DNAH1: variants seen among roughly 807,000 people sequenced by gnomAD.
DNAH1 encodes axonemal beta dynein heavy chain 1.
DNAH1 carries 327 observed loss-of-function variants against 484.3 expected under a neutral mutation model. That is an observed-to-expected ratio of 0.68 (90% confidence interval 0.62 to 0.74). The LOEUF (loss-of-function observed/expected upper bound fraction) is 0.74, where lower values mean the gene tolerates loss of function less well. Among genes scored for constraint, DNAH1 ranks in the 30% least tolerant of loss-of-function variants. The pLI, the probability that DNAH1 is intolerant of heterozygous loss-of-function variation, is 0.00. For synonymous variants in DNAH1, 2,192 were observed against 2,191.9 expected (o/e 1.00, Z 0.00); for missense variants, 5,052 against 5,546.8 (o/e 0.91, Z 2.83).
Position 52,392,618 on chromosome 3 carries a change from G to T in DNAH1, c.10207G>T (p.Gly3403Cys). 1 of 1,613,528 alleles carries T rather than the reference G, an allele frequency of 6.2e-7. No individual in the cohort carries two copies. Among genetic ancestry groups the T allele is most frequent in the South Asian group, 1.1e-5 (1 of 91,002 alleles). The change falls in exon 64 of 78, where the codon GGC becomes TGC. Residue 3403 changes from glycine to cysteine, a missense_variant. Coordinates refer to ENST00000420323, the MANE Select transcript of DNAH1 (RefSeq NM_015512.5). ...QILYRLSSSE[G>C]NPVDDMELIK... ...CCTGTACCGGCTCAGCTCCTCCGAG[G>T]GCAACCCTGTAGATGACATGGAACT...
chr3:52,348,013 GC>G, intron 12 of DNAH1, 39 bp downstream of exon 12: 1 of 1,568,886 alleles, frequency 6.4e-7, no homozygotes, highest in Admixed American at 1.8e-5. Flanking sequence ...GGCACCTGCT[GC>G]CCTGGCTGCT....
rs762880925 is a variant in DNAH1 at position 52,394,503 on chromosome 3, G to T, written c.10665G>T (p.Ser3555=). 32 of 1,613,896 alleles carry T rather than the reference G, an allele frequency of 2.0e-5. No individual in the cohort carries two copies. The highest frequency in any genetic ancestry group is 1.3e-4 in the East Asian group (6 of 44,898). The change falls in exon 67 of 78, where the codon TCG becomes TCT. Residue 3555 remains serine (S), a synonymous_variant. Coordinates refer to ENST00000420323, the MANE Select transcript of DNAH1 (RefSeq NM_015512.5). The stretch of plus-strand genomic sequence containing the variant: ...ACCTCCTGTCTGGGGGCTCCATCTC[G>T]ATCATGACTGAGAATCCGGCACCGG... ...WRYLLSGGSI[S]IMTENPAPDW...
intron 8 of DNAH1, among the ~76,000 whole-genome samples, chr3:52,337,745 G>A (rs549420212): frequency 6.6e-6 from 1 of 152,262 alleles, no homozygotes; most frequent in Non-Finnish European, 1.5e-5. Flanking sequence ...ATTATCCCCT[G>A]CTTTCCTACT....
chr3:52,330,322 A>G (rs879621233), intron 6 of DNAH1, among the ~76,000 whole-genome samples: 1 of 152,152 alleles, frequency 6.6e-6, no homozygotes. Flanking sequence ...CCAGGAGCTG[A>G]TGCATAAGTA....
intron 66 of DNAH1, among the ~76,000 whole-genome samples, chr3:52,394,010 T>C: frequency 6.6e-6 from 1 of 152,236 alleles, no homozygotes; most frequent in Admixed American, 6.5e-5. Flanking sequence ...GAGCCTTGAG[T>C]GTGCTGGTGA....
chr3:52,344,731 C>T, intron 9 of DNAH1, 84 bp downstream of exon 9: 2 of 1,452,816 alleles, frequency 1.4e-6, no homozygotes, highest in Non-Finnish European at 1.8e-6. Context: ...GGATTGTCTG[C>T]CCTGCCATTG....
In DNAH1 at chr3:52,366,817, T is replaced by C. The variant is rs781707431; in HGVS notation, c.5695T>C (p.Tyr1899His). 1.2e-6 allele frequency: 2 copies of C among 1,613,970 alleles called. No homozygotes were observed. Among genetic ancestry groups the C allele is most frequent in the South Asian group, 2.2e-5 (2 of 91,086 alleles). The change falls in exon 36 of 78, where the codon TAC becomes CAC. Residue 1899 changes from tyrosine (Y) to histidine (H), a missense_variant. Transcript: ENST00000420323. ...SGGMYEAVNY[Y>H]VLNPKSITMG... ...TGGCATGTACGAGGCTGTCAACTAC[T>C]ACGTGCTCAACCCCAAGTCCATCAC...
rs761685626 is a variant in DNAH1, at chr3:52,398,024, C to T, written c.11959-8C>T. 19 of 1,612,236 alleles carry T rather than the reference C, an allele frequency of 1.2e-5. No individual in the cohort carries two copies. Among genetic ancestry groups the T allele is most frequent in the Non-Finnish European group, 1.5e-5 (18 of 1,179,042 alleles). ...CCTTGACCCCACAGTATTCCTTTGC[C>T]CCTGCAGATAGTGGAGGACGTCACC... On this transcript the variant is annotated splice_polypyrimidine_tract_variant and splice_region_variant and intron_variant, in intron 74 of 77. Transcript: ENST00000420323.
chr3:52,398,858 G>C lies in DNAH1; in HGVS notation c.12098G>C (p.Arg4033Pro), dbSNP rs762927513. The C allele has an allele frequency of 1.9e-6, 3 of 1,542,470 alleles. No homozygotes were observed. The South Asian group carries it at 3.8e-5, about 19-fold the overall frequency. Residue 4033 changes from arginine (R) to proline (P), a missense_variant, in exon 76 of 78, where the codon CGG becomes CCG. Around this residue, in one of 4 missense-constraint regions of DNAH1, gnomAD observed 853 missense variants for 899.0 expected, o/e 0.95. Transcript: ENST00000420323. ...TGCCACTGGCCTCACAGGTACAATC[G>C]GCTGCTGCAGGTGATCACACAGACA... ...VLVQEVIRYN[R>P]LLQVITQTLQ...
chr3:52,384,577 C>A (rs1455669304), intron 52 of DNAH1, among the ~76,000 whole-genome samples: 2 of 152,168 alleles, frequency 1.3e-5, no homozygotes, highest in South Asian at 2.1e-4. Context: ...CTTGAACTAA[C>A]CCCTGGACTT....
rs373410353 is a variant in DNAH1 at position 52,394,647 on chromosome 3, C to A, written c.10809C>A (p.Ser3603Arg). Residue 3603 changes from serine (S) to arginine (R), a missense_variant, in exon 67 of 78, where the codon AGC becomes AGA. By Grantham distance (110) the Ser-to-Arg change is moderately radical (BLOSUM62 -1). Around this residue, in one of 4 missense-constraint regions of DNAH1, gnomAD observed 853 missense variants for 899.0 expected, o/e 0.95. Transcript: ENST00000420323. ...HLSEFRVIFD[S>R]LEPHREPLPG... is the part of the protein sequence containing the mutation. ...CAGAATTCCGGGTCATCTTCGACAG[C>A]CTTGAGCCCCACCGGTTAGCTGGGC... The A allele has an allele frequency of 4.4e-6, 7 of 1,573,742 alleles. No homozygotes were observed. The African/African-American group carries it at 8.1e-5, about 18-fold the overall frequency.
chr3:52,311,941 C>G (rs904805187), upstream of DNAH1, among the ~76,000 whole-genome samples: 1 of 152,226 alleles, frequency 6.6e-6, no homozygotes, highest in Non-Finnish European at 1.5e-5. Flanking sequence ...CTGGGCCTCC[C>G]CCAGTGGCCC....
chr3:52,378,717 C>T lies in DNAH1; in HGVS notation c.7314C>T (p.Phe2438=), dbSNP rs1382981272. The change falls in exon 47 of 78, where the codon TTC becomes TTT. Residue 2438 remains phenylalanine, a synonymous_variant. Transcript: ENST00000420323. ...LPTPAKSHYT[F]NLRDLSKVFQ... is the part of the protein sequence containing the mutation. ...CTCCAGCCAAGTCCCACTACACCTT[C>T]AACCTGAGGGACCTCTCCAAGGTCT... 1 of 1,613,866 alleles carries T rather than the reference C, an allele frequency of 6.2e-7. No homozygotes were observed. Among genetic ancestry groups the T allele is most frequent in the Admixed American group, 1.7e-5 (1 of 60,022 alleles).
At chr3:52,354,565 A>G (rs1030561649) in intron 20 of DNAH1, among the ~76,000 whole-genome samples, 9 of 151,876 alleles carry the variant, frequency 5.9e-5, no homozygotes, top group African/African-American at 2.2e-4. Flanking sequence ...TCTGGGAGGC[A>G]GAGATTGCAG....
rs1292111526 is a variant in DNAH1, at chr3:52,349,301, A to G, written c.2407A>G (p.Ile803Val). Residue 803 changes from isoleucine to valine, a missense_variant, in exon 14 of 78, where the codon ATT becomes GTT. Physicochemically the swap from Ile to Val is conservative, Grantham distance 29. Coordinates refer to ENST00000420323, the MANE Select transcript of DNAH1 (RefSeq NM_015512.5). ...LDSSLPSSII[I>V]GPFYINTDNV... ...CAGCTCGCTGCCCAGCAGCATCATC[A>G]TTGGGCCTTTCTACATCAACACCGA... 6.2e-7 allele frequency: 1 copy of G among 1,613,964 alleles called. No individual in the cohort carries two copies. Among genetic ancestry groups the G allele is most frequent in the South Asian group, 1.1e-5 (1 of 91,084 alleles).
Position 52,393,033 on chromosome 3 carries a change from C to T in DNAH1, c.10474+8C>T, listed in dbSNP as rs371946837. ...CCAACTCAGAGAGAGCAGGTAGCAC[C>T]GGCATGCCAGGCTCCTACCCTGCAC... On this transcript the variant is annotated splice_region_variant and intron_variant, in intron 65 of 77. Coordinates refer to ENST00000420323, the MANE Select transcript of DNAH1 (RefSeq NM_015512.5). 60 of 1,611,858 alleles carry T rather than the reference C, an allele frequency of 3.7e-5. No homozygotes were observed. The highest frequency in any genetic ancestry group is 5.5e-5 in the South Asian group (5 of 91,008).
At chr3:52,357,275 A>G (rs1453342147) in intron 22 of DNAH1, among the ~76,000 whole-genome samples, 4 of 152,002 alleles carry the variant, frequency 2.6e-5, no homozygotes. Flanking sequence ...GCTGGTCTCA[A>G]ACTCCTGACC....
chr3:52,349,228 G>T lies in DNAH1; in HGVS notation c.2334G>T (p.Glu778Asp), dbSNP rs747191132. 4.3e-6 allele frequency: 7 copies of T among 1,613,742 alleles called. No homozygotes were observed. The East Asian group carries it at 1.6e-4, about 36-fold the overall frequency. The change falls in exon 14 of 78, where the codon GAG becomes GAT. Residue 778 changes from glutamate (E) to aspartate (D), a missense_variant. Coordinates refer to ENST00000420323, the MANE Select transcript of DNAH1 (RefSeq NM_015512.5). ...TYQTQGLLAQEVREVVLTHLR... is the reference protein window; with the variant it reads ...TYQTQGLLAQDVREVVLTHLR... ...AGACGCAGGGCCTGTTGGCCCAGGA[G>T]GTGCGGGAGGTAGTGCTCACCCACC...
At chr3:52,346,376 G>A in intron 10 of DNAH1, 96 bp from the exon 11 acceptor site, 1 of 1,330,446 alleles carries the variant, frequency 7.5e-7, no homozygotes. Context: ...TGAGCCCTGA[G>A]CCGCCCCAAG....
Sources: gnomAD v4.1 joint callset for allele counts (sites outside exome capture counted in the v4.1 genomes callset) on GRCh38, gnomAD v4.1.1 for gene constraint, gnomAD v4.1.1 regional missense constraint, MANE v1.5 for transcripts, NCBI Gene and HGNC (gene_info 2026-07-23, HGNC 2026-07-21) for gene names.